The following GMDS variants were observed in gnomAD, a reference collection of about 807,000 sequenced individuals.
The protein encoded by GMDS is GDP-mannose 4,6-dehydratase, also known as GDP-mannose 4,6 dehydratase.
A neutral mutation model predicts 49.9 loss-of-function variants in GMDS; 20 were observed. That is an observed-to-expected ratio of 0.40 (90% confidence interval 0.28 to 0.58). The LOEUF is 0.58. Ranked by LOEUF, GMDS falls within the 20% of genes least tolerant of loss-of-function variation. The pLI is 0.42. For missense variants in GMDS, 362 were observed against 481.4 expected, an observed-to-expected ratio of 0.75 and a Z score of 2.32; for synonymous variants, 177 against 178.6, an observed-to-expected ratio of 0.99 and a Z score of 0.07.
At chr6:1,639,568 C>T (rs1390188448) in intron 9 of GMDS, among the ~76,000 whole-genome samples, 3 of 152,230 alleles carry the variant, frequency 2.0e-5, no homozygotes, top group Non-Finnish European at 4.4e-5. Context: ...GCAGTCATCG[C>T]CAGCTGAGCA....
intron 1 of GMDS, among the ~76,000 whole-genome samples, chr6:2,139,530 C>T (rs752196690): frequency 3.3e-5 from 5 of 152,118 alleles, no homozygotes; most frequent in African/African-American, 1.2e-4. Context: ...CCTGATCATA[C>T]GATGAGAGGC....
chr6:1,730,932 G>A (rs527691061), intron 8 of GMDS, among the ~76,000 whole-genome samples: 26 of 152,164 alleles, frequency 1.7e-4, no homozygotes, highest in Middle Eastern at 3.4e-3. Context: ...AAAAAGCAAC[G>A]TGGAGGAAGT....
chr6:2,214,137 A>G (rs949038557), intron 1 of GMDS, among the ~76,000 whole-genome samples: 7 of 152,230 alleles, frequency 4.6e-5, no homozygotes, highest in African/African-American at 1.7e-4. Context: ...ACAATAGGAC[A>G]ACAAGCTTCA....
At chr6:2,086,417 C>T (rs930439357) in intron 4 of GMDS, among the ~76,000 whole-genome samples, 2 of 152,170 alleles carry the variant, frequency 1.3e-5, no homozygotes, top group Admixed American at 6.5e-5. Context: ...CATTCTAATA[C>T]GATACAGAGA....
intron 4 of GMDS, among the ~76,000 whole-genome samples, chr6:1,962,514 T>A (rs1187360315): frequency 2.0e-5 from 3 of 152,212 alleles, no homozygotes; most frequent in Admixed American, 2.0e-4. Context: ...CTTCTCACCA[T>A]CAATGAACAA....
intron 9 of GMDS, among the ~76,000 whole-genome samples, chr6:1,688,806 T>C (rs1247469771): frequency 6.6e-6 from 1 of 152,246 alleles, no homozygotes; most frequent in Non-Finnish European, 1.5e-5. Flanking sequence ...CCTTTTCCAA[T>C]TGACAGCATC....
At position 2,178,375 on chromosome 6, in the gene GMDS, T is replaced by C. The variant is rs1581755616; in HGVS notation, c.103-53644A>G. 2.0e-5 allele frequency among the ~76,000 whole-genome samples: 3 copies of C among 152,170 alleles called. No individual in the cohort carries two copies. In the South Asian group the frequency reaches 6.2e-4, roughly 32 times the overall value. On this transcript the variant is annotated intron_variant, in intron 1 of 10. Transcript: ENST00000380815. Reference sequence around the variant, plus strand: ...AGGAGGTGAAGGGGAAGGAGGCATGTCTGACATGGCCAAAGCAGGAGGAAG... The same window carrying C: ...AGGAGGTGAAGGGGAAGGAGGCATGCCTGACATGGCCAAAGCAGGAGGAAG...
intron 9 of GMDS, among the ~76,000 whole-genome samples, chr6:1,723,595 A>ATTT (rs113558437): frequency 0.81 from 119,479 of 148,100 alleles, 48,335 homozygotes; most frequent in East Asian, 0.99. Context: ...TCTTTATGGC[A>ATTT]ATTTTTTTTT....
chr6:1,839,454 T>C (rs1192147820), intron 7 of GMDS, among the ~76,000 whole-genome samples: 2 of 152,324 alleles, frequency 1.3e-5, no homozygotes, highest in East Asian at 3.9e-4. Flanking sequence ...TATTTCCCTT[T>C]GGTGAAATAT....
chr6:2,111,565 C>T (rs1333751838), intron 4 of GMDS, among the ~76,000 whole-genome samples: 1 of 152,100 alleles, frequency 6.6e-6, no homozygotes, highest in Non-Finnish European at 1.5e-5. Flanking sequence ...TTTTAGCATA[C>T]CCTAGCCCAC....
chr6:2,044,844 A>T (rs6920883), intron 4 of GMDS, among the ~76,000 whole-genome samples: 34,750 of 152,058 alleles, frequency 0.23, 4,143 homozygotes, highest in Non-Finnish European at 0.25. Context: ...GAATTTTATT[A>T]ATGCCTGGCA....
chr6:1,955,001 G>A (rs1016866269), intron 6 of GMDS, among the ~76,000 whole-genome samples: 3 of 151,888 alleles, frequency 2.0e-5, no homozygotes, highest in African/African-American at 4.8e-5. Flanking sequence ...ACAGATCACC[G>A]TAACAGATAT....
At chr6:2,064,904 T>C (rs1280459061) in intron 4 of GMDS, among the ~76,000 whole-genome samples, 1 of 152,146 alleles carries the variant, frequency 6.6e-6, no homozygotes, top group African/African-American at 2.4e-5. Context: ...AGTACTGTTA[T>C]GGATAAGGAA....
chr6:1,871,636 C>T (rs2113803997), intron 7 of GMDS, among the ~76,000 whole-genome samples: 1 of 152,226 alleles, frequency 6.6e-6, no homozygotes, highest in African/African-American at 2.4e-5. Context: ...CGTAATGATC[C>T]TTGTTTTAAA....
At chr6:2,074,576 C>T (rs1263305524) in intron 4 of GMDS, among the ~76,000 whole-genome samples, 2 of 152,110 alleles carry the variant, frequency 1.3e-5, no homozygotes, top group East Asian at 3.8e-4. Flanking sequence ...ACCATAAAAT[C>T]TTTGTCTAGA....
intron 4 of GMDS, among the ~76,000 whole-genome samples, chr6:2,111,963 C>T (rs1394020945): frequency 1.3e-5 from 2 of 152,214 alleles, no homozygotes; most frequent in African/African-American, 4.8e-5. Context: ...TGAGGGAACA[C>T]AGCAGCATGC....
chr6:1,866,054 C>A (rs1758428056), intron 7 of GMDS, among the ~76,000 whole-genome samples: 1 of 152,132 alleles, frequency 6.6e-6, no homozygotes, highest in Admixed American at 6.5e-5. Context: ...GGATTTGGGG[C>A]ATTTCTTTGC....
chr6:2,007,078 C>T (rs1767234836), intron 4 of GMDS, among the ~76,000 whole-genome samples: 1 of 152,126 alleles, frequency 6.6e-6, no homozygotes. Flanking sequence ...ACAAATTACT[C>T]TAGAAAACAC....
At chr6:2,117,762 A>G (rs896778481) in intron 2 of GMDS, among the ~76,000 whole-genome samples, 4 of 152,202 alleles carry the variant, frequency 2.6e-5, no homozygotes, top group African/African-American at 9.7e-5. Flanking sequence ...TTTACTGCCA[A>G]TCTCAACAAA....
Sources: allele counts gnomAD v4.1 joint callset (sites outside exome capture counted in the v4.1 genomes callset), GRCh38; gene constraint gnomAD v4.1.1; transcripts MANE v1.5; gene names NCBI Gene and HGNC (gene_info 2026-07-23, HGNC 2026-07-21).